Variants in WDR19 observed in about 807,000 individuals in gnomAD.
WDR19 encodes the protein WD repeat domain 19, also known as WD repeat-containing protein 19.
In WDR19, 121 loss-of-function variants were observed where a neutral mutation model predicts 180.0. That is an observed-to-expected ratio of 0.67 (90% CI 0.58 to 0.78). The LOEUF is 0.78. WDR19 is among the 30% of genes least tolerant of loss of function. The probability of loss-of-function intolerance (pLI) is 0.00; values close to 1 mark genes in which losing one functional copy is unlikely to be tolerated. For missense variants in WDR19, 1,450 were observed against 1,640.7 expected, an observed-to-expected ratio of 0.88 and a Z score of 2.01; for synonymous variants, 497 against 540.7, an observed-to-expected ratio of 0.92 and a Z score of 1.12.
intron 3 of WDR19, among the ~76,000 whole-genome samples, chr4:39,187,419 CAAAAA>C (rs71192832): frequency 1.6e-5 from 1 of 63,576 alleles, no homozygotes. Flanking sequence ...GACTCCATCT[CAAAAA>C]AAAAAAAAAA....
At chr4:39,225,199 A>G (rs141106530) in intron 15 of WDR19, among the ~76,000 whole-genome samples, 166 bp downstream of exon 15, 31 of 152,368 alleles carry the variant, frequency 2.0e-4, no homozygotes, top group Non-Finnish European at 4.3e-4. Flanking sequence ...TCTCATATCA[A>G]GAAAACTTTT....
intron 5 of WDR19, among the ~76,000 whole-genome samples, chr4:39,195,366 C>CA (rs10710164): frequency 2.4e-4 from 32 of 135,642 alleles, no homozygotes; most frequent in Admixed American, 1.1e-3. Flanking sequence ...GACTTCATCT[C>CA]AAAAAAAAAA....
chr4:39,183,331 C>T (rs897657069), intron 1 of WDR19, among the ~76,000 whole-genome samples: 2 of 138,852 alleles, frequency 1.4e-5, no homozygotes, highest in Non-Finnish European at 1.5e-5. Context: ...CTCCCTGCAA[C>T]CTCCACCTCC....
At chr4:39,194,938 A>C (rs1726566601) in intron 5 of WDR19, among the ~76,000 whole-genome samples, 1 of 152,246 alleles carries the variant, frequency 6.6e-6, no homozygotes, top group South Asian at 2.1e-4. Flanking sequence ...TTTCCCACCC[A>C]GACTGTACCT....
chr4:39,219,955 C>G (rs1027575559), intron 14 of WDR19, among the ~76,000 whole-genome samples: 1 of 152,064 alleles, frequency 6.6e-6, no homozygotes, highest in Non-Finnish European at 1.5e-5. Flanking sequence ...GCAGTAGCTC[C>G]CACCTAAAAT....
intron 5 of WDR19, among the ~76,000 whole-genome samples, chr4:39,196,004 G>A (rs1024635817): frequency 1.3e-5 from 2 of 152,208 alleles, no homozygotes; most frequent in Non-Finnish European, 2.9e-5. Context: ...AAGCAAAAGG[G>A]CTTTGAGGTA....
intron 9 of WDR19, among the ~76,000 whole-genome samples, chr4:39,209,007 T>C (rs1476980777): frequency 1.3e-5 from 2 of 152,154 alleles, no homozygotes; most frequent in Non-Finnish European, 1.5e-5. Flanking sequence ...AGGTCAGCAC[T>C]ATAAACCAAC....
chr4:39,182,538 G>T lies in WDR19; in HGVS notation c.-20G>T. ...TGCGCCTGCGTACTTCATAGTTCGCGTAGCGGCTCGAGCGTGGAGATGAAG... is the reference window on the plus strand; with the variant it reads ...TGCGCCTGCGTACTTCATAGTTCGCTTAGCGGCTCGAGCGTGGAGATGAAG... On this transcript the variant is annotated 5_prime_UTR_variant, in exon 1 of 37. Transcript: ENST00000399820. 3 of 1,613,700 alleles carry T rather than the reference G, an allele frequency of 1.9e-6. No homozygotes were observed. The highest frequency in any genetic ancestry group is 1.7e-6 in the Non-Finnish European group (2 of 1,179,828).
chr4:39,203,098 T>A (rs1490774415), intron 6 of WDR19, among the ~76,000 whole-genome samples: 1 of 129,108 alleles, frequency 7.7e-6, no homozygotes, highest in African/African-American at 3.2e-5. Flanking sequence ...CCTTTTTCCT[T>A]TTTCTTTTTC....
intron 33 of WDR19, among the ~76,000 whole-genome samples, chr4:39,276,293 G>A (rs1019291176): frequency 2.2e-4 from 34 of 152,148 alleles, no homozygotes; most frequent in African/African-American, 7.7e-4. Flanking sequence ...AGACCAAATC[G>A]GTCTGACCCA....
intron 36 of WDR19, 97 bp downstream of exon 36, chr4:39,278,760 C>T: frequency 1.7e-6 from 1 of 599,292 alleles, no homozygotes; most frequent in Non-Finnish European, 2.8e-6. Context: ...TTTCAGTGCA[C>T]CATGGAACTT....
chr4:39,237,214 C>T (rs1198704165), intron 20 of WDR19, among the ~76,000 whole-genome samples: 1 of 152,066 alleles, frequency 6.6e-6, no homozygotes, highest in African/African-American at 2.4e-5. Context: ...ACTTTGGATT[C>T]ATTGAGAATA....
intron 5 of WDR19, among the ~76,000 whole-genome samples, chr4:39,198,722 A>G (rs1727048609): frequency 6.6e-6 from 1 of 150,980 alleles, no homozygotes; most frequent in African/African-American, 2.4e-5. Context: ...AAAAATGGCC[A>G]GGTGCGGTGG....
At chr4:39,224,371 A>ATTTTTAT (rs1031003395) in intron 14 of WDR19, among the ~76,000 whole-genome samples, 2 of 151,802 alleles carry the variant, frequency 1.3e-5, no homozygotes, top group South Asian at 2.1e-4. Context: ...TTTTATTTTT[A>ATTTTTAT]TTTTTATTTT....
intron 17 of WDR19, 90 bp from the exon 18 acceptor site, chr4:39,231,707 G>T: frequency 8.5e-7 from 1 of 1,182,242 alleles, no homozygotes; most frequent in Non-Finnish European, 1.1e-6. Flanking sequence ...AGTTTATCTG[G>T]GGCACGCTAT....
rs779877388 is a variant in WDR19 at position 39,190,074 on chromosome 4, C to T, written c.290+293C>T. Among the ~76,000 whole-genome samples the T allele has an allele frequency of 5.9e-5, 9 of 152,220 alleles. No homozygotes were observed. The South Asian group carries it at 1.2e-3, about 21-fold the overall frequency. On this transcript the variant is annotated intron_variant, in intron 4 of 36. Coordinates refer to ENST00000399820, the MANE Select transcript of WDR19 (RefSeq NM_025132.4). The stretch of plus-strand genomic sequence containing the variant: ...GGCTTGACCATAGGCATGGCTAGAT[C>T]TAGGAGTTATAATGGTGCAATCAAG...
In WDR19 at chr4:39,232,100, A is replaced by G. The variant is rs1320203726; in HGVS notation, c.2143-62A>G. On this transcript the variant is annotated intron_variant, in intron 18 of 36. Transcript: ENST00000399820. ...CCACTTCCTACTGATCAAAGTCCTT[A>G]AAAAAAAAAAAAAGTTAAACTCTTG... 13 of 494,878 alleles carry G rather than the reference A, an allele frequency of 2.6e-5. No individual in the cohort carries two copies. The Admixed American group carries it at 5.3e-4, about 20-fold the overall frequency. 30.7% of individuals were successfully genotyped at this position (494,878 alleles called of 1,614,324 possible). A position where few individuals can be genotyped will look rare whatever the true frequency, so the allele number is the denominator to read the frequency against.
intron 20 of WDR19, among the ~76,000 whole-genome samples, chr4:39,236,577 A>C (rs1029790517): frequency 3.9e-5 from 6 of 152,178 alleles, no homozygotes; most frequent in African/African-American, 1.2e-4. Flanking sequence ...TATGCATGCA[A>C]AGACCTCCAC....
chr4:39,218,240 TTA>T, intron 14 of WDR19, 135 bp downstream of exon 14: 2 of 1,116,368 alleles, frequency 1.8e-6, no homozygotes, highest in Non-Finnish European at 2.6e-6. Flanking sequence ...CTGTGATTAA[TTA>T]TATACATTCA....
Sources: gnomAD v4.1 joint callset for allele counts (sites outside exome capture counted in the v4.1 genomes callset) on GRCh38, gnomAD v4.1.1 for gene constraint, MANE v1.5 for transcripts, NCBI Gene and HGNC (gene_info 2026-07-23, HGNC 2026-07-21) for gene names.